ARHGAP40: variants seen among roughly 807,000 people sequenced by gnomAD.
ARHGAP40 encodes Rho GTPase activating protein 40.
In ARHGAP40, 43 loss-of-function variants were observed where a neutral mutation model predicts 73.5. The ratio of observed to expected loss-of-function variants is 0.58; its 90% CI spans 0.46 to 0.75. The LOEUF is 0.75. Ranked by LOEUF, ARHGAP40 falls within the 30% of genes least tolerant of loss-of-function variation. ARHGAP40 has a pLI of 0.00. For synonymous variants in ARHGAP40, 300 were observed against 352.8 expected, an observed-to-expected ratio of 0.85 and a Z score of 1.68; for missense variants, 734 against 861.8, an observed-to-expected ratio of 0.85 and a Z score of 1.86.
chr20:38,647,714 T>C (rs80229808), intron 13 of ARHGAP40, among the ~76,000 whole-genome samples: 1,561 of 152,292 alleles, frequency 0.01, 24 homozygotes, highest in African/African-American at 0.035. Context: ...AAGAGAATTA[T>C]AGACTAGCCA....
chr20:38,610,908 T>C (rs1368584631), intron 1 of ARHGAP40, among the ~76,000 whole-genome samples: 11 of 150,824 alleles, frequency 7.3e-5, no homozygotes, highest in African/African-American at 2.7e-4. Context: ...TTTTTTTTTT[T>C]TGACAGAGTC....
At chr20:38,602,195 G>C in intron 1 of ARHGAP40, 116 bp downstream of exon 1, 1 of 1,161,522 alleles carries the variant, frequency 8.6e-7, no homozygotes, top group Non-Finnish European at 1.1e-6. Flanking sequence ...GTACAGATGA[G>C]GAAACAGAGG....
chr20:38,629,229 C>T (rs571453849), intron 4 of ARHGAP40, among the ~76,000 whole-genome samples: 2 of 152,306 alleles, frequency 1.3e-5, no homozygotes, highest in East Asian at 3.9e-4. Context: ...AATTCTCTTC[C>T]TGGGCAATTG....
chr20:38,625,390 G>GT (rs200368086), intron 2 of ARHGAP40, among the ~76,000 whole-genome samples: 16,505 of 147,336 alleles, frequency 0.11, 1,405 homozygotes, highest in African/African-American at 0.25. Flanking sequence ...GCCAAGACTG[G>GT]TTTTTTTTTT....
intron 1 of ARHGAP40, among the ~76,000 whole-genome samples, chr20:38,607,857 C>A (rs548241232): frequency 1.3e-3 from 201 of 152,340 alleles, no homozygotes; most frequent in African/African-American, 4.6e-3. Flanking sequence ...CATCTTTTCA[C>A]ATAGGGCATT....
intron 6 of ARHGAP40, among the ~76,000 whole-genome samples, chr20:38,636,616 T>C (rs2088976803): frequency 6.6e-6 from 1 of 152,204 alleles, no homozygotes; most frequent in Non-Finnish European, 1.5e-5. Flanking sequence ...TGTATTCTAA[T>C]ATATTTAACC....
chr20:38,630,510 T>C (rs2088932091), intron 5 of ARHGAP40, among the ~76,000 whole-genome samples: 1 of 152,122 alleles, frequency 6.6e-6, no homozygotes, highest in African/African-American at 2.4e-5. Flanking sequence ...TGTGAGCCAC[T>C]GCACCTGGCC....
chr20:38,638,323 T>C (rs2088991167), intron 7 of ARHGAP40, among the ~76,000 whole-genome samples: 1 of 152,032 alleles, frequency 6.6e-6, no homozygotes, highest in African/African-American at 2.4e-5. Context: ...AAAAAATACA[T>C]AAGTAAATAA....
At chr20:38,645,916 C>A (rs201402905) in intron 11 of ARHGAP40, 131 bp from the exon 12 acceptor site, 2 of 878,204 alleles carry the variant, frequency 2.3e-6, no homozygotes, top group Non-Finnish European at 3.0e-6. Context: ...GTCCCGTGTC[C>A]AACAAATGCA....
intron 1 of ARHGAP40, among the ~76,000 whole-genome samples, chr20:38,602,853 T>A (rs1156239812): frequency 6.6e-6 from 1 of 152,230 alleles, no homozygotes; most frequent in Non-Finnish European, 1.5e-5. Context: ...TCATTCACTT[T>A]AGTGGCCTGC....
At chr20:38,622,356 T>C (rs2088878071) in intron 1 of ARHGAP40, among the ~76,000 whole-genome samples, 1 of 152,180 alleles carries the variant, frequency 6.6e-6, no homozygotes, top group South Asian at 2.1e-4. Flanking sequence ...TTTGCTGGCA[T>C]GTGTCAGGGT....
chr20:38,625,401 T>C (rs964286539), intron 2 of ARHGAP40, among the ~76,000 whole-genome samples: 1 of 151,726 alleles, frequency 6.6e-6, no homozygotes, highest in Admixed American at 6.6e-5. Flanking sequence ...TTTTTTTTTT[T>C]CCTTTCTTTT....
intron 2 of ARHGAP40, among the ~76,000 whole-genome samples, chr20:38,625,818 C>G (rs2088895863): frequency 6.6e-6 from 1 of 152,130 alleles, no homozygotes; most frequent in African/African-American, 2.4e-5. Context: ...GTTGGATGCT[C>G]CATTTATGGT....
At chr20:38,626,798 A>T (rs2088900781) in intron 2 of ARHGAP40, among the ~76,000 whole-genome samples, 197 bp from the exon 3 acceptor site, 3 of 149,786 alleles carry the variant, frequency 2.0e-5, no homozygotes, top group Non-Finnish European at 1.5e-5. Context: ...AGTACCCCCC[A>T]CCCCGCCCCC....
chr20:38,643,617 C>T (rs1601150848), intron 10 of ARHGAP40, 87 bp from the exon 11 acceptor site: 1 of 1,127,360 alleles, frequency 8.9e-7, no homozygotes, highest in Non-Finnish European at 1.2e-6. Flanking sequence ...CTAGCACCCC[C>T]TTATCATTCA....
chr20:38,624,906 T>C (rs529949277), intron 2 of ARHGAP40, among the ~76,000 whole-genome samples: 3 of 152,364 alleles, frequency 2.0e-5, no homozygotes, highest in Admixed American at 2.0e-4. Flanking sequence ...GAATGTAACT[T>C]CCATGAGGCC....
intron 3 of ARHGAP40, among the ~76,000 whole-genome samples, chr20:38,628,431 A>T (rs1472857302): frequency 6.6e-6 from 1 of 151,886 alleles, no homozygotes; most frequent in Non-Finnish European, 1.5e-5. Context: ...CAGCCTGCCG[A>T]GTAGCTGGGA....
chr20:38,602,830 A>G (rs1425711243), intron 1 of ARHGAP40, among the ~76,000 whole-genome samples: 3 of 152,234 alleles, frequency 2.0e-5, no homozygotes, highest in Non-Finnish European at 2.9e-5. Context: ...TGTCAGTAAC[A>G]TAAAGATCCA....
chr20:38,648,789 A>T (rs2145617744), intron 14 of ARHGAP40, 91 bp downstream of exon 14: 1 of 1,053,320 alleles, frequency 9.5e-7, no homozygotes, highest in East Asian at 5.9e-5. Context: ...GTGGGAGGCC[A>T]GAGTAGGCCT....
Sources: gnomAD v4.1 joint callset for allele counts (sites outside exome capture counted in the v4.1 genomes callset) on GRCh38, gnomAD v4.1.1 for gene constraint, MANE v1.5 for transcripts, NCBI Gene and HGNC (gene_info 2026-07-23, HGNC 2026-07-21) for gene names.